Variants in FHIT observed in about 807,000 individuals in gnomAD.
FHIT encodes bis(5'-adenosyl)-triphosphatase.
Under a neutral mutation model 17.9 loss-of-function variants are expected in FHIT, and 19 were observed. The observed-to-expected ratio is 1.06, with a 90% CI of 0.74 to 1.56. The LOEUF is 1.56. Ranked by LOEUF, FHIT falls within the 40% of genes most tolerant of loss-of-function variation. The probability of loss-of-function intolerance (pLI) is 0.00; values close to 1 mark genes in which losing one functional copy is unlikely to be tolerated. For missense variants in FHIT, 248 were observed against 189.2 expected (o/e 1.31, Z -1.82); for synonymous variants, 81 against 69.7 (o/e 1.16, Z -0.81).
At chr3:60,047,098 G>A (rs1575970448) in intron 5 of FHIT, among the ~76,000 whole-genome samples, 1 of 152,230 alleles carries the variant, frequency 6.6e-6, no homozygotes, top group East Asian at 1.9e-4. Context: ...CTAGGAATTT[G>A]TTAAATTTTA....
chr3:60,055,099 G>A (rs536802777), intron 5 of FHIT, among the ~76,000 whole-genome samples: 17 of 152,198 alleles, frequency 1.1e-4, no homozygotes, highest in South Asian at 4.1e-4. Flanking sequence ...ATTCCAAAGC[G>A]TGGCCTCCTA....
intron 5 of FHIT, among the ~76,000 whole-genome samples, chr3:60,512,730 T>C (rs1307816841): frequency 2.0e-5 from 3 of 152,146 alleles, no homozygotes; most frequent in Non-Finnish European, 4.4e-5. Context: ...TTGCCAAAAA[T>C]GGTTTAAATG....
chr3:61,213,418 C>T (rs967308656), intron 1 of FHIT, among the ~76,000 whole-genome samples: 17 of 152,282 alleles, frequency 1.1e-4, no homozygotes, highest in African/African-American at 2.2e-4. Flanking sequence ...AAGGCCATTA[C>T]GTAATGGTAA....
intron 5 of FHIT, among the ~76,000 whole-genome samples, chr3:60,072,963 C>T (rs115416861): frequency 0.017 from 2,535 of 152,288 alleles, 36 homozygotes; most frequent in Non-Finnish European, 0.026. Flanking sequence ...GATGACTGCA[C>T]TGTGTTACTA....
intron 5 of FHIT, among the ~76,000 whole-genome samples, chr3:60,153,369 A>G (rs1193711117): frequency 2.2e-5 from 1 of 45,438 alleles, no homozygotes; most frequent in African/African-American, 4.8e-5. Context: ...CACCAGAAAA[A>G]AAAAAAAAAA....
In FHIT at chr3:61,219,327, ATGTGTGTGTGTG is replaced by A. The variant is rs72023729; in HGVS notation, c.-212-18674_-212-18663del. On this transcript the variant is annotated intron_variant, in intron 1 of 9. Transcript: ENST00000492590. ...TGTACATCTTTGTGTAAATCTAAAAATGTGTGTGTGTGTGTGTGTGTGTGTGTGTGTGTGTGT... is the reference window on the plus strand; with the variant it reads ...TGTACATCTTTGTGTAAATCTAAAAATGTGTGTGTGTGTGTGTGTGTGTGT... 8.9e-3 allele frequency among the ~76,000 whole-genome samples: 1,311 copies of A among 146,986 alleles called. 15 individuals carry two copies. The highest frequency in any genetic ancestry group is 0.03 in the African/African-American group (1,196 of 40,102).
chr3:59,830,896 C>T (rs1279935508), intron 8 of FHIT, among the ~76,000 whole-genome samples: 1 of 152,190 alleles, frequency 6.6e-6, no homozygotes, highest in Non-Finnish European at 1.5e-5. Context: ...AGGCTGACTG[C>T]TCTTCGAACA....
intron 5 of FHIT, among the ~76,000 whole-genome samples, chr3:60,487,688 G>A (rs142782289): frequency 2.0e-5 from 3 of 152,280 alleles, no homozygotes; most frequent in Non-Finnish European, 2.9e-5. Context: ...AGGGAAATAA[G>A]CCTATCAGAA....
chr3:59,866,913 G>A lies in FHIT; in HGVS notation c.348+55433C>T, dbSNP rs138057235. Among the ~76,000 whole-genome samples, 278 of 151,988 alleles carry A rather than the reference G, an allele frequency of 1.8e-3. 1 individual carries two copies. Among genetic ancestry groups the A allele is most frequent in the African/African-American group, 6.3e-3 (263 of 41,432 alleles). ...TAATTTAGGAAGGTTTTATGTCACCGCTGCTCGGCTTCTTTTTGTGCTTTG... is the reference window on the plus strand; with the variant it reads ...TAATTTAGGAAGGTTTTATGTCACCACTGCTCGGCTTCTTTTTGTGCTTTG... On this transcript the variant is annotated intron_variant, in intron 8 of 9. Transcript: ENST00000492590.
At chr3:60,312,957 G>A (rs1033579760) in intron 5 of FHIT, among the ~76,000 whole-genome samples, 4 of 152,162 alleles carry the variant, frequency 2.6e-5, no homozygotes, top group African/African-American at 4.8e-5. Context: ...ACAATGACAC[G>A]CATGAGACCG....
chr3:60,721,316 C>A (rs1157792104), intron 4 of FHIT, among the ~76,000 whole-genome samples: 2 of 152,136 alleles, frequency 1.3e-5, no homozygotes, highest in South Asian at 4.1e-4. Context: ...TAAGAACACA[C>A]ATATTTGTAC....
intron 5 of FHIT, among the ~76,000 whole-genome samples, chr3:60,036,669 A>G (rs1260546375): frequency 6.6e-6 from 1 of 152,128 alleles, no homozygotes; most frequent in Non-Finnish European, 1.5e-5. Context: ...TCCTGGTCCT[A>G]TTCAAAGGGC....
intron 4 of FHIT, among the ~76,000 whole-genome samples, chr3:60,623,815 T>G (rs1365165167): frequency 6.6e-6 from 1 of 152,118 alleles, no homozygotes; most frequent in Admixed American, 6.5e-5. Context: ...CCCAACCCGA[T>G]TTGGTCTTTA....
At chr3:59,774,355 AC>A (rs1458012385) in intron 8 of FHIT, among the ~76,000 whole-genome samples, 2 of 152,168 alleles carry the variant, frequency 1.3e-5, no homozygotes, top group East Asian at 3.9e-4. Flanking sequence ...AAGTATGCAG[AC>A]CCCAGTCAAG....
At chr3:60,927,757 G>C (rs897169902) in intron 3 of FHIT, among the ~76,000 whole-genome samples, 1 of 150,466 alleles carries the variant, frequency 6.6e-6, no homozygotes, top group Admixed American at 6.6e-5. Context: ...CAGCCGCCCC[G>C]CCTGGGAGGT....
intron 2 of FHIT, among the ~76,000 whole-genome samples, chr3:61,084,327 A>G (rs2035241059): frequency 6.6e-6 from 1 of 152,234 alleles, no homozygotes; most frequent in African/African-American, 2.4e-5. Context: ...GTAGATTTAT[A>G]ATGAATTTAT....
chr3:61,029,509 C>A (rs1186313822), intron 3 of FHIT, among the ~76,000 whole-genome samples: 2 of 152,086 alleles, frequency 1.3e-5, no homozygotes, highest in Non-Finnish European at 2.9e-5. Context: ...CATCCAGTAC[C>A]ACTTAAAAAT....
Position 60,124,065 on chromosome 3 carries a change from G to GAGAGAGAGAGAGAGAC in FHIT, c.104-109914_104-109913insGTCTCTCTCTCTCTCT, listed in dbSNP as rs1553691058. On this transcript the variant is annotated intron_variant, in intron 5 of 9. Transcript: ENST00000492590. ...AGAGAGAGAGAGAGAGACAGAGAGA[G>GAGAGAGAGAGAGAGAC]AGAGAGATACAAAGTCTCACTCTGT... Among the ~76,000 whole-genome samples the GAGAGAGAGAGAGAGAC allele has an allele frequency of 5.3e-4, 57 of 108,264 alleles. 1 individual carries two copies. Among genetic ancestry groups the GAGAGAGAGAGAGAGAC allele is most frequent in the African/African-American group, 2.1e-3 (54 of 25,858 alleles). 71.0% of individuals were successfully genotyped at this position (108,264 alleles called of 152,430 possible).
intron 4 of FHIT, among the ~76,000 whole-genome samples, chr3:60,712,065 A>T (rs1421734006): frequency 5.3e-4 from 80 of 152,360 alleles, no homozygotes; most frequent in African/African-American, 1.9e-3. Flanking sequence ...TCAGACTAAC[A>T]GCTGATCTCT....
Sources: allele counts gnomAD v4.1 joint callset (sites outside exome capture counted in the v4.1 genomes callset), GRCh38; gene constraint gnomAD v4.1.1; transcripts MANE v1.5; gene names NCBI Gene and HGNC (gene_info 2026-07-23, HGNC 2026-07-21).